Variants in FAT3 observed in about 807,000 individuals in gnomAD.
FAT3 encodes the protein FAT atypical cadherin 3.
FAT3 carries 95 observed loss-of-function variants against 310.2 expected under a neutral mutation model. That is an observed-to-expected ratio of 0.31 (90% confidence interval 0.26 to 0.36). The LOEUF (loss-of-function observed/expected upper bound fraction) is 0.36, where lower values mean the gene tolerates loss of function less well. Ranked by LOEUF, FAT3 falls within the 10% of genes least tolerant of loss-of-function variation. FAT3 has a pLI of 1.00. For missense variants in FAT3, 5,408 were observed against 5,715.6 expected (o/e 0.95, Z 1.74); for synonymous variants, 2,314 against 2,192.9 (o/e 1.06, Z -1.54).
Position 92,584,766 on chromosome 11 carries a change from A to C in FAT3, c.3607+59818A>C, listed in dbSNP as rs143151745. Among the ~76,000 whole-genome samples the C allele has an allele frequency of 5.2e-3, 789 of 152,158 alleles. 7 individuals are homozygous for C. Among genetic ancestry groups the C allele is most frequent in the African/African-American group, 0.018 (739 of 41,550 alleles). On this transcript the variant is annotated intron_variant, in intron 3 of 27. Coordinates refer to ENST00000525166, the MANE Select transcript of FAT3 (RefSeq NM_001367949.2). ...TGTGTGGTAACTATTTATAAATTAG[A>C]ATATGTCTTCAGGGGCCACTTCATT...
chr11:92,430,976 TGCATGTGTCTTTATAGCA>T (rs1421308959), intron 2 of FAT3, among the ~76,000 whole-genome samples: 1 of 152,210 alleles, frequency 6.6e-6, no homozygotes, highest in Non-Finnish European at 1.5e-5. Flanking sequence ...AACATACGTG[TGCATGTGTCTTTATAGCA>T]GCATGATTTA....
intron 3 of FAT3, among the ~76,000 whole-genome samples, chr11:92,682,932 G>A (rs1011389983): frequency 2.6e-5 from 4 of 152,092 alleles, no homozygotes; most frequent in African/African-American, 9.7e-5. Context: ...ACAAAAATTA[G>A]CCAGGCATGG....
intron 2 of FAT3, among the ~76,000 whole-genome samples, chr11:92,361,855 G>A (rs1948890436): frequency 1.3e-5 from 2 of 152,348 alleles, no homozygotes; most frequent in Admixed American, 6.5e-5. Context: ...CCAGGCACTA[G>A]TGACACAAAC....
At chr11:92,276,221 C>T (rs549432233) in intron 1 of FAT3, among the ~76,000 whole-genome samples, 5 of 152,220 alleles carry the variant, frequency 3.3e-5, no homozygotes, top group African/African-American at 9.6e-5. Flanking sequence ...ATCAGCCTAG[C>T]AGTATAATAC....
At chr11:92,228,788 G>A (rs1049619428) in intron 1 of FAT3, among the ~76,000 whole-genome samples, 1 of 152,228 alleles carries the variant, frequency 6.6e-6, no homozygotes, top group Non-Finnish European at 1.5e-5. Flanking sequence ...CCAGTTGCCT[G>A]GTGGGTTGGC....
chr11:92,601,719 G>C (rs1246541180), intron 3 of FAT3, among the ~76,000 whole-genome samples: 2 of 152,118 alleles, frequency 1.3e-5, no homozygotes, highest in African/African-American at 2.4e-5. Context: ...TTTTAGAATG[G>C]AACCTATTAT....
intron 6 of FAT3, among the ~76,000 whole-genome samples, chr11:92,772,728 T>C (rs1409218644): frequency 6.6e-6 from 1 of 152,142 alleles, no homozygotes; most frequent in Non-Finnish European, 1.5e-5. Flanking sequence ...AATTAAATAA[T>C]CTTAAGTGTA....
At chr11:92,305,531 G>A (rs1223793529) in intron 1 of FAT3, among the ~76,000 whole-genome samples, 1 of 152,092 alleles carries the variant, frequency 6.6e-6, no homozygotes, top group Non-Finnish European at 1.5e-5. Context: ...GGAGAAAATA[G>A]TGGTTTTAAG....
intron 1 of FAT3, among the ~76,000 whole-genome samples, chr11:92,293,562 T>C (rs1307672223): frequency 7.2e-6 from 1 of 138,606 alleles, no homozygotes; most frequent in Non-Finnish European, 1.5e-5. Flanking sequence ...AAATAAAATA[T>C]ATTCCTTCCA....
intron 7 of FAT3, among the ~76,000 whole-genome samples, chr11:92,784,079 G>A (rs977826422): frequency 2.6e-5 from 4 of 152,082 alleles, no homozygotes; most frequent in Non-Finnish European, 5.9e-5. Flanking sequence ...GATAGGATGG[G>A]GTGAATACAG....
At chr11:92,593,601 A>G (rs1347022085) in intron 3 of FAT3, among the ~76,000 whole-genome samples, 3 of 152,124 alleles carry the variant, frequency 2.0e-5, no homozygotes, top group Non-Finnish European at 4.4e-5. Context: ...CCATGGCATC[A>G]ACTAATAATC....
intron 3 of FAT3, among the ~76,000 whole-genome samples, chr11:92,545,154 C>G (rs1011253474): frequency 1.3e-5 from 2 of 152,128 alleles, no homozygotes; most frequent in Non-Finnish European, 2.9e-5. Flanking sequence ...CTGAACCTCT[C>G]TTCTTCTTGA....
intron 3 of FAT3, among the ~76,000 whole-genome samples, chr11:92,584,064 C>T (rs1938995353): frequency 6.6e-6 from 1 of 151,922 alleles, no homozygotes; most frequent in South Asian, 2.1e-4. Flanking sequence ...TCTTCTTTTC[C>T]TTGTCTAAAA....
intron 2 of FAT3, among the ~76,000 whole-genome samples, chr11:92,457,541 TA>T (rs563944088): frequency 1.2e-4 from 19 of 152,096 alleles, no homozygotes; most frequent in African/African-American, 3.9e-4. Flanking sequence ...TATCCTGGCT[TA>T]AAAAAAATCT....
intron 3 of FAT3, among the ~76,000 whole-genome samples, chr11:92,549,224 G>C (rs1954720316): frequency 6.6e-6 from 1 of 152,058 alleles, no homozygotes; most frequent in Admixed American, 6.6e-5. Flanking sequence ...TCTTGTCCTG[G>C]ATAGTATCCC....
Position 92,836,713 on chromosome 11 carries a change from T to C in FAT3, c.10224+10T>C. 1.2e-6 allele frequency: 2 copies of C among 1,611,242 alleles called. No individual in the cohort carries two copies. Among genetic ancestry groups the C allele is most frequent in the Non-Finnish European group, 1.7e-6 (2 of 1,178,590 alleles). On this transcript the variant is annotated intron_variant, in intron 16 of 27. Transcript: ENST00000525166. ...ATTGGACCGGGAACGGGTAAGCTAG[T>C]TTAGGACAGTTTCCTTCCCATCCAC...
intron 3 of FAT3, among the ~76,000 whole-genome samples, chr11:92,587,685 C>G (rs1440034115): frequency 6.6e-6 from 1 of 151,940 alleles, no homozygotes; most frequent in South Asian, 2.1e-4. Context: ...CATAGAATTT[C>G]TCATCCTCAG....
chr11:92,802,023 A>T, intron 10 of FAT3, 114 bp downstream of exon 10: 1 of 1,033,136 alleles, frequency 9.7e-7, no homozygotes, highest in South Asian at 1.7e-5. Flanking sequence ...CAGTGTAATG[A>T]AGCCTCTCTG....
chr11:92,654,003 T>C (rs1942481574), intron 3 of FAT3, among the ~76,000 whole-genome samples: 1 of 152,210 alleles, frequency 6.6e-6, no homozygotes, highest in African/African-American at 2.4e-5. Flanking sequence ...AATTTTTAAA[T>C]TACCCCATTA....
Sources: gnomAD v4.1 joint callset for allele counts (sites outside exome capture counted in the v4.1 genomes callset) on GRCh38, gnomAD v4.1.1 for gene constraint, MANE v1.5 for transcripts, NCBI Gene and HGNC (gene_info 2026-07-23, HGNC 2026-07-21) for gene names.